Variants in GRIN2A observed in about 807,000 individuals in gnomAD.
GRIN2A encodes glutamate receptor ionotropic, NMDA 2A.
Under a neutral mutation model 113.4 loss-of-function variants are expected in GRIN2A, and 22 were observed. The observed-to-expected ratio is 0.19, with a 90% CI of 0.14 to 0.28. GRIN2A has a LOEUF of 0.28. GRIN2A is among the 10% of genes least tolerant of loss of function. The probability of loss-of-function intolerance (pLI) is 1.00; values close to 1 mark genes in which losing one functional copy is unlikely to be tolerated. For missense variants in GRIN2A, 1,502 were observed against 1,887.0 expected, an observed-to-expected ratio of 0.80 and a Z score of 3.78; for synonymous variants, 827 against 738.4, an observed-to-expected ratio of 1.12 and a Z score of -1.94.
At chr16:9,883,020 A>C (rs1175067434) in intron 4 of GRIN2A, among the ~76,000 whole-genome samples, 1 of 152,054 alleles carries the variant, frequency 6.6e-6, no homozygotes, top group Non-Finnish European at 1.5e-5. Context: ...GGGCAGGCGG[A>C]CCTCCACTTA....
intron 2 of GRIN2A, among the ~76,000 whole-genome samples, chr16:10,024,568 A>G (rs564910487): frequency 6.6e-6 from 1 of 152,310 alleles, no homozygotes; most frequent in South Asian, 2.1e-4. Context: ...CAGCTAAACT[A>G]TGTCATTACC....
At chr16:10,157,260 G>C (rs2049717295) in intron 2 of GRIN2A, among the ~76,000 whole-genome samples, 1 of 152,100 alleles carries the variant, frequency 6.6e-6, no homozygotes, top group African/African-American at 2.4e-5. Context: ...GTCAGAGATT[G>C]TTTTATGTCT....
At position 10,132,580 on chromosome 16, in the gene GRIN2A, T is replaced by C. The variant is rs532442750; in HGVS notation, c.414+47418A>G. ...CATTTATCATGCAAGAGCTAGTCCA[T>C]AGGCATTGGAATCATTCGGGCATGG... On this transcript the variant is annotated intron_variant, in intron 2 of 12. Coordinates refer to ENST00000330684, the MANE Select transcript of GRIN2A (RefSeq NM_001134407.3). 6.0e-4 allele frequency among the ~76,000 whole-genome samples: 92 copies of C among 152,302 alleles called. 2 individuals carry two copies. The highest frequency in any genetic ancestry group is 2.2e-4 in the Non-Finnish European group (15 of 68,020).
chr16:9,853,217 G>T (rs921624175), intron 4 of GRIN2A, among the ~76,000 whole-genome samples: 1 of 152,146 alleles, frequency 6.6e-6, no homozygotes, highest in African/African-American at 2.4e-5. Flanking sequence ...GCAAAGCCTT[G>T]TAGGCTCTAT....
chr16:9,852,715 C>T (rs144077163), intron 4 of GRIN2A, among the ~76,000 whole-genome samples: 4 of 152,270 alleles, frequency 2.6e-5, no homozygotes, highest in East Asian at 1.9e-4. Context: ...ACTGCAAACA[C>T]CAAAAATCTC....
At chr16:9,959,321 C>T (rs2045379287) in intron 2 of GRIN2A, among the ~76,000 whole-genome samples, 1 of 152,326 alleles carries the variant, frequency 6.6e-6, no homozygotes, top group Non-Finnish European at 1.5e-5. Context: ...GCTTCCATCC[C>T]TAAACCTAGA....
intron 12 of GRIN2A, among the ~76,000 whole-genome samples, chr16:9,765,358 G>A (rs954563465): frequency 6.6e-6 from 1 of 152,176 alleles, no homozygotes; most frequent in South Asian, 2.1e-4. Context: ...GCACCAGAGA[G>A]TTAACTACTG....
At chr16:10,026,653 A>G (rs892320720) in intron 2 of GRIN2A, among the ~76,000 whole-genome samples, 2 of 148,208 alleles carry the variant, frequency 1.3e-5, no homozygotes, top group African/African-American at 5.1e-5. Context: ...GGCACTGCAG[A>G]GAACAAGGAA....
intron 2 of GRIN2A, among the ~76,000 whole-genome samples, chr16:10,011,304 T>C (rs904131532): frequency 2.0e-5 from 3 of 152,188 alleles, no homozygotes; most frequent in African/African-American, 7.2e-5. Context: ...CACCCCTGAA[T>C]ATTTAGTAAG....
chr16:9,810,290 C>T (rs781168265), intron 10 of GRIN2A, among the ~76,000 whole-genome samples: 2 of 152,176 alleles, frequency 1.3e-5, no homozygotes, highest in Non-Finnish European at 2.9e-5. Flanking sequence ...AGCATGGCCT[C>T]TTCCCCTGGT....
chr16:9,909,360 C>T (rs2044089471), intron 3 of GRIN2A, among the ~76,000 whole-genome samples: 2 of 152,142 alleles, frequency 1.3e-5, no homozygotes, highest in Admixed American at 6.5e-5. Context: ...GCTTCCCTAG[C>T]ACAACAGAAA....
intron 3 of GRIN2A, among the ~76,000 whole-genome samples, chr16:9,912,194 T>C (rs567563974): frequency 1.7e-3 from 253 of 151,962 alleles, no homozygotes; most frequent in African/African-American, 5.7e-3. Context: ...AGGAAGAAGA[T>C]GTTGGTAATT....
At chr16:9,818,645 A>G (rs557752047) in intron 10 of GRIN2A, among the ~76,000 whole-genome samples, 281 of 152,330 alleles carry the variant, frequency 1.8e-3, no homozygotes, top group African/African-American at 6.2e-3. Flanking sequence ...GGAATTGCCG[A>G]TGGCTCTTAA....
Position 9,768,987 on chromosome 16 carries a change from A to G in GRIN2A, c.2459T>C (p.Val820Ala). ...CATGGCGGCAGCCAGCATGTAGAAT[A>G]CGCCCGCCATGTTGTCAATGTCCAG... ...SQLDIDNMAG[V>A]FYMLAAAMAL... The change falls in exon 12 of 13, where the codon GTA becomes GCA. Residue 820 changes from valine to alanine, a missense_variant. By Grantham distance (64) the Val-to-Ala change is moderately conservative. Around this residue, in one of 7 missense-constraint regions of GRIN2A, gnomAD observed 101 missense variants for 240.4 expected, o/e 0.42. Transcript: ENST00000330684. The G allele has an allele frequency of 1.9e-6, 3 of 1,613,940 alleles. No individual in the cohort carries two copies. Among genetic ancestry groups the G allele is most frequent in the Non-Finnish European group, 2.5e-6 (3 of 1,179,954 alleles).
chr16:9,934,678 T>TTAAA (rs1555455124), intron 3 of GRIN2A, among the ~76,000 whole-genome samples: 1,623 of 50,932 alleles, frequency 0.032, 142 homozygotes, highest in Middle Eastern at 0.048. Context: ...AGACTCTGTC[T>TTAAA]AAAAAAAAAA....
chr16:10,147,674 A>T (rs921739606), intron 2 of GRIN2A, among the ~76,000 whole-genome samples: 6 of 151,620 alleles, frequency 4.0e-5, no homozygotes, highest in Admixed American at 1.3e-4. Context: ...AGAAGTGTAT[A>T]CAGGGTCCAA....
At chr16:10,117,919 C>A (rs560921004) in intron 2 of GRIN2A, among the ~76,000 whole-genome samples, 2 of 152,170 alleles carry the variant, frequency 1.3e-5, no homozygotes, top group South Asian at 4.1e-4. Context: ...TCCCTGTGGA[C>A]TGGGCACCCC....
At chr16:9,922,448 G>A (rs1002762736) in intron 3 of GRIN2A, among the ~76,000 whole-genome samples, 17 of 152,110 alleles carry the variant, frequency 1.1e-4, no homozygotes, top group African/African-American at 2.4e-4. Context: ...ATAAAAACTC[G>A]GATGAAGGCA....
chr16:9,796,590 G>C (rs1903000321), intron 11 of GRIN2A, among the ~76,000 whole-genome samples: 1 of 152,244 alleles, frequency 6.6e-6, no homozygotes, highest in Non-Finnish European at 1.5e-5. Context: ...ACCAAGCAGT[G>C]GCTTGAAATG....
Sources: gnomAD v4.1 joint callset for allele counts (sites outside exome capture counted in the v4.1 genomes callset) on GRCh38, gnomAD v4.1.1 for gene constraint, gnomAD v4.1.1 regional missense constraint, MANE v1.5 for transcripts, NCBI Gene and HGNC (gene_info 2026-07-23, HGNC 2026-07-21) for gene names.